The following ASXL3 variants were observed in gnomAD, a reference collection of about 807,000 sequenced individuals.
ASXL3 encodes putative Polycomb group protein ASXL3.
A neutral mutation model predicts 170.6 loss-of-function variants in ASXL3; 34 were observed. The observed-to-expected ratio is 0.20, with a 90% CI of 0.15 to 0.27. The LOEUF (loss-of-function observed/expected upper bound fraction) is 0.27. Ranked by LOEUF, ASXL3 falls within the 10% of genes least tolerant of loss-of-function variation. The probability of loss-of-function intolerance (pLI) is 1.00; values close to 1 mark genes in which losing one functional copy is unlikely to be tolerated. For missense variants in ASXL3, 2,592 were observed against 2,695.3 expected, an observed-to-expected ratio of 0.96 and a Z score of 0.85; for synonymous variants, 1,002 against 989.1, an observed-to-expected ratio of 1.01 and a Z score of -0.24.
At chr18:33,642,605 G>A (rs183084324) in intron 2 of ASXL3, among the ~76,000 whole-genome samples, 228 of 151,990 alleles carry the variant, frequency 1.5e-3, no homozygotes, top group African/African-American at 5.2e-3. Context: ...TGAGACTTTG[G>A]AGATGTTGTG....
At chr18:33,581,500 T>TGTGTGA (rs2064992261) in intron 1 of ASXL3, among the ~76,000 whole-genome samples, 1 of 151,970 alleles carries the variant, frequency 6.6e-6, no homozygotes, top group African/African-American at 2.4e-5. Context: ...TGTGTGTGTG[T>TGTGTGA]GATTTTCTTG....
intron 8 of ASXL3, among the ~76,000 whole-genome samples, chr18:33,699,155 AG>A (rs2066826754): frequency 6.6e-6 from 1 of 152,172 alleles, no homozygotes; most frequent in East Asian, 1.9e-4. Flanking sequence ...GAAATAAGAA[AG>A]AATGACTCAA....
chr18:33,626,625 A>G (rs1171368986), intron 2 of ASXL3: 2 of 151,890 alleles, frequency 1.3e-5, no homozygotes, highest in African/African-American at 2.4e-5. Context: ...TCCCTTCAGG[A>G]CAAACTATTT....
intron 2 of ASXL3, among the ~76,000 whole-genome samples, chr18:33,641,205 G>C (rs1018721910): frequency 2.0e-5 from 3 of 152,026 alleles, no homozygotes. Context: ...TCAGCAATTT[G>C]ATAATATAAA....
chr18:33,715,127 ACTTTATT>A (rs1348367522), intron 8 of ASXL3, among the ~76,000 whole-genome samples: 2 of 152,124 alleles, frequency 1.3e-5, no homozygotes, highest in African/African-American at 4.8e-5. Context: ...TTTATAGTTT[ACTTTATT>A]CTTGCTTCTC....
intron 2 of ASXL3, among the ~76,000 whole-genome samples, chr18:33,624,975 G>A (rs1311804533): frequency 1.3e-5 from 2 of 152,170 alleles, no homozygotes; most frequent in East Asian, 1.9e-4. Flanking sequence ...TCTGGTTTCC[G>A]AGATTCTTGT....
chr18:33,660,274 G>A (rs2066150902), intron 4 of ASXL3, among the ~76,000 whole-genome samples: 2 of 152,078 alleles, frequency 1.3e-5, no homozygotes, highest in African/African-American at 2.4e-5. Flanking sequence ...ATTAATAACT[G>A]TTATTTTATT....
intron 4 of ASXL3, among the ~76,000 whole-genome samples, chr18:33,657,680 A>T (rs1023530404): frequency 1.8e-4 from 28 of 152,222 alleles, no homozygotes; most frequent in African/African-American, 6.5e-4. Context: ...AGGCTGTCTC[A>T]TGGTTACCTA....
chr18:33,655,734 T>G (rs1222698663), intron 4 of ASXL3, among the ~76,000 whole-genome samples: 1 of 152,078 alleles, frequency 6.6e-6, no homozygotes, highest in Non-Finnish European at 1.5e-5. Context: ...TGGCTGTATA[T>G]ATCCAAAATA....
At chr18:33,727,994 T>C (rs1002521159) in intron 8 of ASXL3, among the ~76,000 whole-genome samples, 9 of 152,198 alleles carry the variant, frequency 5.9e-5, no homozygotes, top group Non-Finnish European at 1.2e-4. Flanking sequence ...TGCATTTCCA[T>C]GTGCTGAGAT....
rs369766035 is a variant in ASXL3, at chr18:33,661,655, G to A, written c.395G>A (p.Arg132Gln). The change falls in exon 5 of 12, where the codon CGA becomes CAA. Residue 132 changes from arginine to glutamine, a missense_variant. Arg to Gln is a conservative substitution (Grantham distance 43). Around this residue, in one of 4 missense-constraint regions of ASXL3, gnomAD observed 251 missense variants for 281.9 expected, o/e 0.89. Transcript: ENST00000269197. ...KQVTDEASST[R>Q]DSSLTNTAVQ... ...GTAACTGATGAAGCATCTTCCACTC[G>A]AGATTCAAGCCTTACTAACACAGCA... The A allele has an allele frequency of 1.9e-6, 3 of 1,612,018 alleles. No homozygotes were observed. The highest frequency in any genetic ancestry group is 1.7e-5 in the Admixed American group (1 of 59,724).
chr18:33,731,829 TCCTTTCTCTGTCTCCTTCCC>T (rs2067452724), intron 8 of ASXL3, 119 bp from the exon 9 acceptor site: 1 of 608,954 alleles, frequency 1.6e-6, no homozygotes, highest in Admixed American at 3.2e-5. Context: ...CTCTCCCTTC[TCCTTTCTCTGTCTCCTTCCC>T]CCTTCCTCCT....
chr18:33,622,429 A>T (rs2065529600), intron 2 of ASXL3, among the ~76,000 whole-genome samples: 1 of 152,150 alleles, frequency 6.6e-6, no homozygotes, highest in South Asian at 2.1e-4. Flanking sequence ...TGTTTTTCTT[A>T]GTTTGGAGAA....
At chr18:33,640,047 G>A (rs183340498) in intron 2 of ASXL3, among the ~76,000 whole-genome samples, 6 of 151,994 alleles carry the variant, frequency 3.9e-5, no homozygotes, top group South Asian at 4.2e-4. Flanking sequence ...AATGTGACCC[G>A]TCTCTTATTT....
chr18:33,674,744 G>A (rs182382035), intron 7 of ASXL3, among the ~76,000 whole-genome samples: 178 of 151,444 alleles, frequency 1.2e-3, no homozygotes, highest in African/African-American at 3.1e-3. Context: ...TCAACCCCCC[G>A]AGTAGCTGGG....
At chr18:33,682,041 T>TA (rs963329427) in intron 7 of ASXL3, among the ~76,000 whole-genome samples, 8 of 152,140 alleles carry the variant, frequency 5.3e-5, no homozygotes, top group African/African-American at 1.9e-4. Flanking sequence ...TTTTCATAAT[T>TA]AAAAAAAGTC....
In ASXL3 at chr18:33,578,459, C is replaced by CA. The variant is rs1481626715; in HGVS notation, c.-173_-172insA. 0.024 allele frequency: 278 copies of CA among 11,496 alleles called. 3 individuals are homozygous for CA. Among genetic ancestry groups the CA allele is most frequent in the African/African-American group, 0.12 (251 of 2,064 alleles). The allele number at this position is 11,496 out of a possible 1,614,324, so 0.7% of individuals were successfully genotyped here. On this transcript the variant is annotated 5_prime_UTR_variant, in exon 1 of 12. Coordinates refer to ENST00000269197, the MANE Select transcript of ASXL3 (RefSeq NM_030632.3). ...CACCCCCTCGCTCCATCCCTCCCAC[C>CA]CGCCGCCGCCGCCGCCGCCGCCGCC...
Position 33,745,907 on chromosome 18 carries a change from C to A in ASXL3, c.6059C>A (p.Pro2020Gln). ...PNKALVHPPP[P>Q]PPPPPPPPLA... ...AAAGCACTAGTACATCCGCCGCCGC[C>A]ACCGCCTCCCCCTCCCCCTCCACCC... The change falls in exon 12 of 12, where the codon CCA becomes CAA. Residue 2020 changes from proline (P) to glutamine (Q), a missense_variant. Physicochemically the swap from Pro to Gln is moderately conservative, Grantham distance 76. Coordinates refer to ENST00000269197, the MANE Select transcript of ASXL3 (RefSeq NM_030632.3). 1 of 1,605,528 alleles carries A rather than the reference C, an allele frequency of 6.2e-7. No homozygotes were observed.
intron 11 of ASXL3, among the ~76,000 whole-genome samples, chr18:33,741,150 A>AACTT (rs1231592798): frequency 4.6e-5 from 7 of 152,220 alleles, no homozygotes; most frequent in Non-Finnish European, 7.3e-5. Context: ...TTCAATTAAA[A>AACTT]ACTTACTATG....
Sources: gnomAD v4.1 joint callset for allele counts (sites outside exome capture counted in the v4.1 genomes callset) on GRCh38, gnomAD v4.1.1 for gene constraint, gnomAD v4.1.1 regional missense constraint, MANE v1.5 for transcripts, NCBI Gene and HGNC (gene_info 2026-07-23, HGNC 2026-07-21) for gene names.